Variants in SPAG9 observed in about 807,000 individuals in gnomAD.
SPAG9 encodes sperm associated antigen 9.
SPAG9 carries 35 observed loss-of-function variants against 166.5 expected under a neutral mutation model. That is an observed-to-expected ratio of 0.21 (90% CI 0.16 to 0.28). SPAG9 has a LOEUF of 0.28. SPAG9 is among the 10% of genes least tolerant of loss of function. SPAG9 has a pLI of 1.00. For synonymous variants in SPAG9, 534 were observed against 565.5 expected (o/e 0.94, Z 0.79); for missense variants, 1,235 against 1,603.3 (o/e 0.77, Z 3.92).
chr17:50,995,557 GA>G, intron 16 of SPAG9, 24 bp from the exon 17 acceptor site: 1 of 1,420,632 alleles, frequency 7.0e-7, no homozygotes, highest in Non-Finnish European at 9.9e-7. Context: ...AAGGAGGAGT[GA>G]AAAAGGCACA....
chr17:50,989,478 G>A (rs985620292), intron 21 of SPAG9, 199 bp downstream of exon 21: 13 of 619,150 alleles, frequency 2.1e-5, no homozygotes, highest in African/African-American at 1.8e-4. Flanking sequence ...TAAATTGGAA[G>A]GTGTACAGAA....
chr17:51,029,670 C>G (rs906998099), intron 6 of SPAG9, among the ~76,000 whole-genome samples: 6 of 152,156 alleles, frequency 3.9e-5, no homozygotes, highest in Non-Finnish European at 8.8e-5. Context: ...CTCAAAAAGA[C>G]AAACACTACA....
chr17:50,977,151 C>T lies in SPAG9; in HGVS notation c.3480G>A (p.Val1160=), dbSNP rs1974265380. Residue 1160 remains valine, a synonymous_variant, in exon 27 of 30, where the codon GTG becomes GTA. Coordinates refer to ENST00000262013, the MANE Select transcript of SPAG9 (RefSeq NM_001130528.3). Reference sequence around the variant, plus strand: ...AGATAATGACACCATTTCCTGTCCCCACCCACAAACGATTACAAGACACCA... The same window carrying T: ...AGATAATGACACCATTTCCTGTCCCTACCCACAAACGATTACAAGACACCA... ...ALMVSCNRLW[V]GTGNGVIISI... The T allele has an allele frequency of 6.2e-7, 1 of 1,613,520 alleles. No individual in the cohort carries two copies. The highest frequency in any genetic ancestry group is 1.7e-5 in the Admixed American group (1 of 59,986).
At chr17:50,992,210 C>T (rs78867793) in intron 19 of SPAG9, among the ~76,000 whole-genome samples, 3,170 of 151,864 alleles carry the variant, frequency 0.021, 116 homozygotes, top group African/African-American at 0.073. Flanking sequence ...TTTTCCATCA[C>T]CTCACACAGA....
intron 1 of SPAG9, among the ~76,000 whole-genome samples, chr17:51,105,665 C>G (rs371210923): frequency 6.6e-6 from 1 of 151,542 alleles, no homozygotes; most frequent in South Asian, 2.1e-4. Context: ...GTCAGGAGAT[C>G]GAGGCCATCC....
intron 22 of SPAG9, among the ~76,000 whole-genome samples, chr17:50,986,413 G>C (rs1443109352): frequency 6.6e-6 from 1 of 152,018 alleles, no homozygotes; most frequent in Non-Finnish European, 1.5e-5. Context: ...GAAATGCTTG[G>C]GATTTCTGAC....
Position 50,993,827 on chromosome 17 carries a change from CAG to C in SPAG9, c.2333_2334del (p.Pro778ArgfsTer82), listed in dbSNP as rs760353454. On this transcript the variant is annotated frameshift_variant, in exon 19 of 30. Coordinates refer to ENST00000262013, the MANE Select transcript of SPAG9 (RefSeq NM_001130528.3). LOFTEE classifies it high-confidence loss of function. The part of the protein sequence containing the change: ...TKVLIIDAVQ[P>X]GNILDSFTVC... The stretch of plus-strand genomic sequence containing the variant: ...ACAGTGAAACTGTCTAGGATGTTGC[CAG>C]GTTGAACAGCATCAATAATAAGAAC... 1.2e-6 allele frequency: 2 copies of C among 1,614,102 alleles called. No individual in the cohort carries two copies. Among genetic ancestry groups the C allele is most frequent in the Non-Finnish European group, 1.7e-6 (2 of 1,180,006 alleles).
intron 9 of SPAG9, among the ~76,000 whole-genome samples, chr17:51,010,287 G>C (rs1290218428): frequency 6.6e-6 from 1 of 152,010 alleles, no homozygotes; most frequent in Non-Finnish European, 1.5e-5. Flanking sequence ...AAGAATCACC[G>C]ATTTTGAGGT....
chr17:51,047,306 G>A lies in SPAG9; in HGVS notation c.590+69C>T, dbSNP rs910650624. 51 of 904,664 alleles carry A rather than the reference G, an allele frequency of 5.6e-5. No individual in the cohort carries two copies. The Admixed American group carries it at 5.7e-4, about 10-fold the overall frequency. 56.0% of individuals were successfully genotyped at this position (904,664 alleles called of 1,614,324 possible). On this transcript the variant is annotated intron_variant, in intron 4 of 29. Coordinates refer to ENST00000262013, the MANE Select transcript of SPAG9 (RefSeq NM_001130528.3). Reference sequence around the variant, plus strand: ...ACTATTGTTCCAGGATTAAAGAACAGAGAAAAACAGAAACAAACATATTAT... The same window carrying A: ...ACTATTGTTCCAGGATTAAAGAACAAAGAAAAACAGAAACAAACATATTAT...
chr17:50,989,638 C>G (rs746927742), intron 21 of SPAG9, 39 bp downstream of exon 21: 2 of 1,547,544 alleles, frequency 1.3e-6, no homozygotes, highest in Non-Finnish European at 1.8e-6. Context: ...TATTTGTGCA[C>G]TTCACCCAGT....
intron 8 of SPAG9, among the ~76,000 whole-genome samples, chr17:51,015,709 T>C (rs1186255538): frequency 6.8e-6 from 1 of 146,190 alleles, no homozygotes; most frequent in African/African-American, 2.5e-5. Flanking sequence ...AAAAAGAATT[T>C]GGAAAAAAAA....
At chr17:51,058,483 C>T (rs2047418367) in intron 2 of SPAG9, among the ~76,000 whole-genome samples, 1 of 152,184 alleles carries the variant, frequency 6.6e-6, no homozygotes, top group South Asian at 2.1e-4. Flanking sequence ...AATCTGGCTC[C>T]AGAATCTGTG....
At chr17:50,976,914 T>G in intron 27 of SPAG9, 194 bp downstream of exon 27, 1 of 443,810 alleles carries the variant, frequency 2.3e-6, no homozygotes, top group Non-Finnish European at 4.0e-6. Flanking sequence ...CGAAAAACTT[T>G]TAATTATGAG....
chr17:51,031,317 C>T, intron 6 of SPAG9: 1 of 254,138 alleles, frequency 3.9e-6, no homozygotes, highest in African/African-American at 2.3e-5. Flanking sequence ...TGTAAGATGA[C>T]ACACTAGGCC....
chr17:51,074,391 C>G (rs2047910003), intron 2 of SPAG9, among the ~76,000 whole-genome samples: 1 of 152,210 alleles, frequency 6.6e-6, no homozygotes, highest in African/African-American at 2.4e-5. Context: ...GCACTCCAGT[C>G]TGGGTGACAG....
intron 1 of SPAG9, among the ~76,000 whole-genome samples, chr17:51,117,652 T>G (rs1247229181): frequency 7.7e-6 from 1 of 130,006 alleles, no homozygotes; most frequent in Non-Finnish European, 1.5e-5. Flanking sequence ...GAGGCTGCAG[T>G]GAGTCAAGAT....
At chr17:51,032,994 A>G (rs1323952754) in intron 5 of SPAG9, among the ~76,000 whole-genome samples, 2 of 152,034 alleles carry the variant, frequency 1.3e-5, no homozygotes, top group Non-Finnish European at 2.9e-5. Context: ...CTTTGTAGGA[A>G]TCAGACTGCC....
chr17:50,986,236 G>A (rs1975039481), intron 22 of SPAG9, among the ~76,000 whole-genome samples: 1 of 152,174 alleles, frequency 6.6e-6, no homozygotes, highest in African/African-American at 2.4e-5. Context: ...GTGTGTGTGG[G>A]GGGGAAATCA....
chr17:51,011,385 CTTT>C (rs148325625), intron 9 of SPAG9, among the ~76,000 whole-genome samples: 3 of 139,352 alleles, frequency 2.2e-5, no homozygotes, highest in Admixed American at 7.2e-5. Flanking sequence ...AAGCCAAGGA[CTTT>C]TTTTTTTTTT....
Sources: allele counts gnomAD v4.1 joint callset (sites outside exome capture counted in the v4.1 genomes callset), GRCh38; gene constraint gnomAD v4.1.1; transcripts MANE v1.5; gene names NCBI Gene and HGNC (gene_info 2026-07-23, HGNC 2026-07-21).